The following NRXN1 variants were observed in gnomAD, a reference collection of about 807,000 sequenced individuals.
NRXN1 encodes the protein neurexin 1.
A neutral mutation model predicts 150.9 loss-of-function variants in NRXN1; 39 were observed. That is an observed-to-expected ratio of 0.26 (90% CI 0.20 to 0.34). The LOEUF is 0.34. Ranked by LOEUF, NRXN1 falls within the 10% of genes least tolerant of loss-of-function variation. The pLI is 1.00. For synonymous variants in NRXN1, 924 were observed against 757.0 expected (o/e 1.22, Z -3.62); for missense variants, 1,815 against 1,949.9 (o/e 0.93, Z 1.30).
At chr2:50,437,939 T>C (rs2085590737) in intron 17 of NRXN1, among the ~76,000 whole-genome samples, 1 of 152,082 alleles carries the variant, frequency 6.6e-6, no homozygotes. Flanking sequence ...AGCAGAAAAA[T>C]CTTCCTGGGG....
Position 49,922,256 on chromosome 2 carries a change from A to G in NRXN1, c.4217-5T>C. ...CGCCTGCTCGGGTTGGGTTGGCTAT[A>G]GAAAAGAGGATGAGAACAAACACAA... On this transcript the variant is annotated splice_polypyrimidine_tract_variant and splice_region_variant and intron_variant, in intron 22 of 22. Transcript: ENST00000401669. The G allele has an allele frequency of 6.2e-7, 1 of 1,611,780 alleles. No individual in the cohort carries two copies. The highest frequency in any genetic ancestry group is 8.5e-7 in the Non-Finnish European group (1 of 1,178,638).
intron 18 of NRXN1, among the ~76,000 whole-genome samples, chr2:50,106,578 G>A (rs1251668275): frequency 6.6e-6 from 1 of 151,942 alleles, no homozygotes; most frequent in African/African-American, 2.4e-5. Flanking sequence ...TTAGGGCCAA[G>A]ATGAACAAAT....
At chr2:50,744,813 T>C (rs858939) in intron 5 of NRXN1, among the ~76,000 whole-genome samples, 138,906 of 152,228 alleles carry the variant, frequency 0.91, 63,582 homozygotes, top group African/African-American at 0.98. Context: ...TAAACACATG[T>C]TTAGCACAGA....
intron 5 of NRXN1, among the ~76,000 whole-genome samples, chr2:50,715,915 C>T (rs1366251822): frequency 6.6e-6 from 1 of 152,158 alleles, no homozygotes; most frequent in African/African-American, 2.4e-5. Context: ...TTACCATATA[C>T]ACATTCTTTT....
At chr2:50,356,439 C>G (rs1415660026) in intron 17 of NRXN1, among the ~76,000 whole-genome samples, 1 of 151,990 alleles carries the variant, frequency 6.6e-6, no homozygotes, top group Non-Finnish European at 1.5e-5. Flanking sequence ...AATATATGAC[C>G]TCTGAGGCAT....
chr2:50,283,218 C>T (rs2071690537), intron 17 of NRXN1, among the ~76,000 whole-genome samples: 1 of 152,082 alleles, frequency 6.6e-6, no homozygotes, highest in Non-Finnish European at 1.5e-5. Context: ...ATCATACAAG[C>T]ATTAGTGCTA....
At chr2:50,742,268 T>C (rs947235131) in intron 5 of NRXN1, among the ~76,000 whole-genome samples, 3 of 151,668 alleles carry the variant, frequency 2.0e-5, no homozygotes, top group Non-Finnish European at 2.9e-5. Context: ...TTTACATATA[T>C]ATATATATAC....
At chr2:49,970,845 G>A (rs1426336753) in intron 21 of NRXN1, among the ~76,000 whole-genome samples, 1 of 151,972 alleles carries the variant, frequency 6.6e-6, no homozygotes, top group Admixed American at 6.6e-5. Context: ...TGGTGTTTGA[G>A]TCCATAAACC....
intron 17 of NRXN1, among the ~76,000 whole-genome samples, chr2:50,449,862 A>G (rs1409317301): frequency 3.3e-4 from 50 of 152,136 alleles, no homozygotes. Flanking sequence ...GTTACCATAC[A>G]TCATCTTTAA....
chr2:50,840,307 T>C (rs1008218525), intron 5 of NRXN1, among the ~76,000 whole-genome samples: 2 of 152,124 alleles, frequency 1.3e-5, no homozygotes, highest in East Asian at 1.9e-4. Flanking sequence ...GAAACCAAGA[T>C]TGATGCTGGG....
intron 14 of NRXN1, 110 bp downstream of exon 14, chr2:50,497,223 C>A: frequency 1.4e-6 from 1 of 739,830 alleles, no homozygotes; most frequent in Non-Finnish European, 2.0e-6. Flanking sequence ...CCACCTGCTC[C>A]GGCCCACCAC....
At chr2:50,678,093 ATAGT>A (rs1224421666) in intron 5 of NRXN1, among the ~76,000 whole-genome samples, 1 of 152,096 alleles carries the variant, frequency 6.6e-6, no homozygotes, top group Non-Finnish European at 1.5e-5. Context: ...CATCCTCCCA[ATAGT>A]TAGTGACATT....
chr2:50,406,769 C>A (rs558513146), intron 17 of NRXN1, among the ~76,000 whole-genome samples: 1 of 152,260 alleles, frequency 6.6e-6, no homozygotes, highest in African/African-American at 2.4e-5. Flanking sequence ...ATGACTGACT[C>A]TCTTCCATGT....
intron 2 of NRXN1, among the ~76,000 whole-genome samples, chr2:51,012,570 G>C (rs1287166808): frequency 6.6e-6 from 1 of 152,030 alleles, no homozygotes; most frequent in Admixed American, 6.6e-5. Flanking sequence ...GAATTGTTTA[G>C]ACTTGTATTT....
chr2:50,733,228 G>A (rs546440747), intron 5 of NRXN1, among the ~76,000 whole-genome samples: 1 of 152,182 alleles, frequency 6.6e-6, no homozygotes, highest in Non-Finnish European at 1.5e-5. Context: ...AGGCTGCCAG[G>A]CAATGGATCA....
intron 17 of NRXN1, among the ~76,000 whole-genome samples, chr2:50,284,698 T>A (rs1226132504): frequency 6.6e-6 from 1 of 152,182 alleles, no homozygotes; most frequent in East Asian, 1.9e-4. Context: ...TCAGTGGGGC[T>A]AGGCAAGAGA....
At chr2:50,431,863 A>G (rs2084993905) in intron 17 of NRXN1, among the ~76,000 whole-genome samples, 1 of 151,938 alleles carries the variant, frequency 6.6e-6, no homozygotes, top group Non-Finnish European at 1.5e-5. Context: ...CTTCTCCCTC[A>G]CTTATCATTG....
intron 5 of NRXN1, among the ~76,000 whole-genome samples, chr2:50,725,408 C>T (rs548933696): frequency 6.6e-6 from 1 of 150,922 alleles, no homozygotes; most frequent in South Asian, 2.1e-4. Context: ...TATTGCAGTA[C>T]TTAAGTAAAG....
intron 17 of NRXN1, among the ~76,000 whole-genome samples, chr2:50,405,808 A>G (rs2082715108): frequency 6.6e-6 from 1 of 152,188 alleles, no homozygotes; most frequent in African/African-American, 2.4e-5. Context: ...ATTGCACTCT[A>G]TATAAATAAT....
Sources: allele counts gnomAD v4.1 joint callset (sites outside exome capture counted in the v4.1 genomes callset), GRCh38; gene constraint gnomAD v4.1.1; transcripts MANE v1.5; gene names NCBI Gene and HGNC (gene_info 2026-07-23, HGNC 2026-07-21).